Variants in URGCP observed in about 807,000 individuals in gnomAD.
URGCP encodes the protein up-regulator of cell proliferation.
In URGCP, 13 loss-of-function variants were observed where a neutral mutation model predicts 24.6. The ratio of observed to expected loss-of-function variants is 0.53; its 90% CI spans 0.34 to 0.84. URGCP has a LOEUF of 0.84. URGCP is among the 40% of genes least tolerant of loss of function. URGCP has a pLI of 0.01. For synonymous variants in URGCP, 444 were observed against 487.2 expected (o/e 0.91, Z 1.17); for missense variants, 899 against 1,194.3 (o/e 0.75, Z 3.64).
In URGCP at chr7:43,906,585, G is replaced by C. The variant is rs1243519774; in HGVS notation, c.-10C>G. ...ACCCGGGCGACGCCATGAGCGCAGC[G>C]AGGTCTCCGCTCCCGCCTCCTTCGC... On this transcript the variant is annotated 5_prime_UTR_variant, in exon 1 of 6. Transcript: ENST00000453200. 1 of 1,236,498 alleles carries C rather than the reference G, an allele frequency of 8.1e-7. No individual in the cohort carries two copies. The highest frequency in any genetic ancestry group is 1.6e-5 in the African/African-American group (1 of 63,298). The allele number at this position is 1,236,498 out of a possible 1,614,324, so 76.6% of individuals were successfully genotyped here. A position where few individuals can be genotyped will look rare whatever the true frequency, so the allele number is the denominator to read the frequency against.
At chr7:43,917,420 C>T (rs1265907148) in intron 1 of URGCP, among the ~76,000 whole-genome samples, 1 of 152,192 alleles carries the variant, frequency 6.6e-6, no homozygotes, top group Non-Finnish European at 1.5e-5. Context: ...GCCCAGCAAA[C>T]TGGCCAGTGG....
chr7:43,919,710 C>T, intron 1 of URGCP: 1 of 1,372,482 alleles, frequency 7.3e-7, no homozygotes, highest in South Asian at 1.2e-5. Flanking sequence ...CAAGAGCCTG[C>T]AGAGGATCCG....
intron 1 of URGCP, among the ~76,000 whole-genome samples, chr7:43,890,986 T>C (rs1159546245): frequency 5.9e-5 from 9 of 152,150 alleles, no homozygotes; most frequent in Non-Finnish European, 1.2e-4. Context: ...CATTTCCTTC[T>C]TTTTTTTCTA....
upstream of URGCP, among the ~76,000 whole-genome samples, chr7:43,908,098 T>C (rs1027223154): frequency 1.3e-5 from 2 of 152,220 alleles, no homozygotes; most frequent in African/African-American, 4.8e-5. Flanking sequence ...CTTTGTTTGT[T>C]TGAGACAGGG....
chr7:43,897,203 A>AAAATAAATAAAT (rs139278100), intron 1 of URGCP, among the ~76,000 whole-genome samples: 118 of 151,632 alleles, frequency 7.8e-4, no homozygotes, highest in Middle Eastern at 3.4e-3. Flanking sequence ...ACTCTGTCTC[A>AAAATAAATAAAT]AAATAAATAA....
chr7:43,906,552 C>A lies in URGCP; in HGVS notation c.14+10G>T. The A allele has an allele frequency of 8.1e-7, 1 of 1,237,134 alleles. No individual in the cohort carries two copies. The allele number at this position is 1,237,134 out of a possible 1,614,324, so 76.6% of individuals were successfully genotyped here. A position where few individuals can be genotyped will look rare whatever the true frequency, so the allele number is the denominator to read the frequency against. ...CCGCGGGGGCGCAGGGCCTGCGAGGCGGCACTCACCCGGGCGACGCCATGA... is the reference window on the plus strand; with the variant it reads ...CCGCGGGGGCGCAGGGCCTGCGAGGAGGCACTCACCCGGGCGACGCCATGA... On this transcript the variant is annotated intron_variant, in intron 1 of 5. Coordinates refer to ENST00000453200, the MANE Select transcript of URGCP (RefSeq NM_001077663.3).
chr7:43,926,694 C>T (rs376000729), upstream of URGCP: 124 of 914,404 alleles, frequency 1.4e-4, 1 homozygote, highest in South Asian at 2.8e-3. Context: ...GGCAGAACAG[C>T]CTCCCGCGCA....
intron 1 of URGCP, 182 bp downstream of exon 1, chr7:43,906,380 G>GC: frequency 2.1e-6 from 1 of 470,978 alleles, no homozygotes; most frequent in Non-Finnish European, 2.3e-6. Context: ...CGCCCGCGCG[G>GC]CCGGTCCGCC....
upstream of URGCP, chr7:43,906,811 A>G (rs1371026440): frequency 2.7e-5 from 8 of 293,718 alleles, no homozygotes; most frequent in Admixed American, 5.5e-5. Flanking sequence ...CCCAACGCCC[A>G]CCTGCCCAGG....
At chr7:43,905,303 G>T (rs1257531481) in intron 1 of URGCP, among the ~76,000 whole-genome samples, 1 of 151,552 alleles carries the variant, frequency 6.6e-6, no homozygotes, top group Non-Finnish European at 1.5e-5. Flanking sequence ...AAGGGGGAAA[G>T]GAATGCTGCA....
Position 43,877,568 on chromosome 7 carries a change from TC to T in URGCP, c.1894del (p.Glu632ArgfsTer24). ...CTGGCCTGCCGGCAGCCTCCCTGCC[TC>T]CACAAGACAGCTCTCAGCCTCATAA... ...QFYEAESCLV[E>X]AGRLPAGQRR... On this transcript the variant is annotated frameshift_variant, in exon 6 of 6. Transcript: ENST00000453200. LOFTEE classifies it high-confidence loss of function. 6.2e-7 allele frequency: 1 copy of T among 1,614,068 alleles called. No homozygotes were observed. Among genetic ancestry groups the T allele is most frequent in the Non-Finnish European group, 8.5e-7 (1 of 1,180,032 alleles).
chr7:43,912,758 A>C (rs865911909), intron 1 of URGCP, among the ~76,000 whole-genome samples: 74 of 152,156 alleles, frequency 4.9e-4, no homozygotes, highest in African/African-American at 1.6e-3. Context: ...AGCAATTTGT[A>C]TGACTCCCTT....
At chr7:43,919,691 C>G in intron 1 of URGCP, 3 of 1,378,074 alleles carry the variant, frequency 2.2e-6, no homozygotes, top group Non-Finnish European at 3.1e-6. Flanking sequence ...TGGACCCCAC[C>G]CAGGTCCACA....
intron 1 of URGCP, among the ~76,000 whole-genome samples, chr7:43,899,048 C>T (rs1017256840): frequency 1.0e-4 from 15 of 149,748 alleles, no homozygotes; most frequent in African/African-American, 1.9e-4. Context: ...GCAGGACAAT[C>T]GCTTGATCCC....
At chr7:43,882,449 A>G (rs1279338962) in intron 3 of URGCP, among the ~76,000 whole-genome samples, 1 of 152,138 alleles carries the variant, frequency 6.6e-6, no homozygotes, top group South Asian at 2.1e-4. Context: ...GGCTATCTCA[A>G]AAACAAACGA....
intron 1 of URGCP, among the ~76,000 whole-genome samples, chr7:43,898,077 C>T (rs2095881959): frequency 6.6e-6 from 1 of 152,080 alleles, no homozygotes; most frequent in African/African-American, 2.4e-5. Flanking sequence ...AAAGGCAATC[C>T]TTCAACGCGT....
chr7:43,884,598 G>A (rs555121266), intron 3 of URGCP, among the ~76,000 whole-genome samples: 4 of 152,298 alleles, frequency 2.6e-5, no homozygotes, highest in South Asian at 2.1e-4. Context: ...GGAGGAAAAC[G>A]CAGGAGGATC....
chr7:43,881,351 T>C (rs2095853442), intron 5 of URGCP: 1 of 642,618 alleles, frequency 1.6e-6, no homozygotes, highest in South Asian at 1.7e-5. Flanking sequence ...CTTCAGGAAC[T>C]TGTTAAAAAA....
At chr7:43,924,770 C>CT (rs1166578571) in intron 1 of URGCP, among the ~76,000 whole-genome samples, 5 of 152,028 alleles carry the variant, frequency 3.3e-5, no homozygotes, top group African/African-American at 7.2e-5. Context: ...CTGGAGGATA[C>CT]TTTGAGTTTT....
Sources: allele counts gnomAD v4.1 joint callset (sites outside exome capture counted in the v4.1 genomes callset), GRCh38; gene constraint gnomAD v4.1.1; transcripts MANE v1.5; gene names NCBI Gene and HGNC (gene_info 2026-07-23, HGNC 2026-07-21).